DLGAP2: variants seen among roughly 807,000 people sequenced by gnomAD.
DLGAP2 encodes DLG associated protein 2, also known as disks large-associated protein 2.
In DLGAP2, 26 loss-of-function variants were observed where a neutral mutation model predicts 100.3. The observed-to-expected ratio is 0.26, with a 90% CI of 0.19 to 0.36. The LOEUF (loss-of-function observed/expected upper bound fraction) is 0.36. Ranked by LOEUF, DLGAP2 falls within the 10% of genes least tolerant of loss-of-function variation. DLGAP2 has a pLI of 1.00. For missense variants in DLGAP2, 1,858 were observed against 1,453.2 expected (o/e 1.28, Z -4.53); for synonymous variants, 886 against 630.1 (o/e 1.41, Z -6.08).
chr8:1,027,489 C>G (rs1801836607), intron 2 of DLGAP2, among the ~76,000 whole-genome samples: 1 of 147,290 alleles, frequency 6.8e-6, no homozygotes, highest in Non-Finnish European at 1.5e-5. Context: ...CCATTATTCT[C>G]CAGGTTTGGT....
At chr8:884,973 T>C (rs530767227) in intron 1 of DLGAP2, among the ~76,000 whole-genome samples, 4 of 152,316 alleles carry the variant, frequency 2.6e-5, no homozygotes, top group Non-Finnish European at 5.9e-5. Context: ...AGGTCTCTGT[T>C]CTGCTCCATT....
At position 1,295,472 on chromosome 8, in the gene DLGAP2, C is replaced by A. The variant is rs142047504; in HGVS notation, c.106+36589C>A. On this transcript the variant is annotated intron_variant, in intron 3 of 14. Transcript: ENST00000637795. ...AGGAAAGGCTGTGGGCCCCCAGCCACGTCAGCGGGAAGCACACTCTCTGTC... is the reference window on the plus strand; with the variant it reads ...AGGAAAGGCTGTGGGCCCCCAGCCAAGTCAGCGGGAAGCACACTCTCTGTC... 1.7e-4 allele frequency among the ~76,000 whole-genome samples: 26 copies of A among 152,222 alleles called. 1 individual carries two copies. Among genetic ancestry groups the A allele is most frequent in the African/African-American group, 6.0e-4 (25 of 41,548 alleles).
intron 2 of DLGAP2, among the ~76,000 whole-genome samples, chr8:1,185,709 T>TCA (rs879332226): frequency 0.012 from 1,038 of 87,196 alleles, 14 homozygotes; most frequent in East Asian, 0.05. Flanking sequence ...ACACTCACAC[T>TCA]CACACACACA....
intron 3 of DLGAP2, among the ~76,000 whole-genome samples, chr8:1,433,525 C>T (rs1219790944): frequency 2.6e-5 from 4 of 152,194 alleles, no homozygotes; most frequent in African/African-American, 7.2e-5. Context: ...TCTGGTGAGC[C>T]CACCCGAGTA....
At chr8:884,480 GT>G (rs956763880) in intron 1 of DLGAP2, among the ~76,000 whole-genome samples, 15 of 148,768 alleles carry the variant, frequency 1.0e-4, no homozygotes, top group South Asian at 4.3e-4. Flanking sequence ...ACTTTTCGAT[GT>G]TTTTTTTTTC....
At chr8:1,310,976 G>C (rs1476959999) in intron 3 of DLGAP2, among the ~76,000 whole-genome samples, 2 of 151,816 alleles carry the variant, frequency 1.3e-5, no homozygotes, top group African/African-American at 4.8e-5. Context: ...AAAAAATAGA[G>C]TATCAACAAA....
intron 1 of DLGAP2, among the ~76,000 whole-genome samples, chr8:903,910 C>T (rs1014943262): frequency 6.6e-6 from 1 of 152,218 alleles, no homozygotes; most frequent in Non-Finnish European, 1.5e-5. Context: ...TCACATTCGT[C>T]AGGGACCCTC....
intron 3 of DLGAP2, among the ~76,000 whole-genome samples, chr8:1,459,767 C>T (rs778644555): frequency 1.4e-5 from 2 of 146,134 alleles, no homozygotes; most frequent in African/African-American, 2.5e-5. Context: ...CTCACTGCAA[C>T]CTCTGCCTCC....
intron 3 of DLGAP2, among the ~76,000 whole-genome samples, chr8:1,328,542 G>C (rs1441378260): frequency 6.6e-6 from 1 of 151,942 alleles, no homozygotes; most frequent in Non-Finnish European, 1.5e-5. Flanking sequence ...GTAGAGACAG[G>C]GTTTCACCAT....
intron 2 of DLGAP2, among the ~76,000 whole-genome samples, chr8:1,188,325 TCCCTC>T (rs1797558578): frequency 7.2e-6 from 1 of 138,336 alleles, no homozygotes; most frequent in Non-Finnish European, 1.5e-5. Flanking sequence ...CCGTGACGTT[TCCCTC>T]ACGGAATCTC....
At chr8:1,144,053 C>T (rs1053342082) in intron 2 of DLGAP2, among the ~76,000 whole-genome samples, 2 of 152,218 alleles carry the variant, frequency 1.3e-5, no homozygotes, top group African/African-American at 2.4e-5. Context: ...CCCACAGCAC[C>T]GCTTGTTTCC....
intron 1 of DLGAP2, among the ~76,000 whole-genome samples, chr8:881,666 A>ATGTGTGTATATATATATAT: frequency 7.6e-6 from 1 of 131,048 alleles, no homozygotes; most frequent in African/African-American, 2.7e-5. Context: ...CTTGTGGCTG[A>ATGTGTGTATATATATATAT]ACACACACAC....
chr8:1,316,026 C>G (rs1380059606), intron 3 of DLGAP2, among the ~76,000 whole-genome samples: 4 of 138,768 alleles, frequency 2.9e-5, no homozygotes, highest in Non-Finnish European at 6.3e-5. Context: ...GTGGTCTACA[C>G]TCGAGACACT....
chr8:1,543,063 A>T (rs1396025563), intron 4 of DLGAP2, among the ~76,000 whole-genome samples: 1 of 152,206 alleles, frequency 6.6e-6, no homozygotes, highest in Non-Finnish European at 1.5e-5. Context: ...TATTTGTCTT[A>T]TTATAATGGA....
At chr8:982,419 G>A (rs1800363507) in intron 2 of DLGAP2, among the ~76,000 whole-genome samples, 1 of 152,216 alleles carries the variant, frequency 6.6e-6, no homozygotes, top group African/African-American at 2.4e-5. Context: ...GCTAAGTGGA[G>A]CTGTTTAGCA....
intron 1 of DLGAP2, chr8:883,080 T>C (rs1797843777): frequency 2.0e-5 from 3 of 152,444 alleles, no homozygotes; most frequent in Admixed American, 2.0e-4. Flanking sequence ...GATGATTTCC[T>C]GAGCAGTGCG....
chr8:972,047 A>G (rs1257128810), intron 2 of DLGAP2, among the ~76,000 whole-genome samples: 1 of 152,198 alleles, frequency 6.6e-6, no homozygotes, highest in Admixed American at 6.5e-5. Flanking sequence ...TTCAGGTCCT[A>G]TTTAAGAAGT....
chr8:1,182,241 G>T, intron 2 of DLGAP2, among the ~76,000 whole-genome samples: 1 of 152,222 alleles, frequency 6.6e-6, no homozygotes, highest in Non-Finnish European at 1.5e-5. Flanking sequence ...GGGGCTTGGG[G>T]GCGACTGCCA....
chr8:1,070,259 A>G (rs1023021292), intron 2 of DLGAP2, among the ~76,000 whole-genome samples: 1 of 151,924 alleles, frequency 6.6e-6, no homozygotes, highest in Admixed American at 6.6e-5. Context: ...ATCTTTTTTC[A>G]TGGCGTGGGT....
Sources: gnomAD v4.1 joint callset for allele counts (sites outside exome capture counted in the v4.1 genomes callset) on GRCh38, gnomAD v4.1.1 for gene constraint, MANE v1.5 for transcripts, NCBI Gene and HGNC (gene_info 2026-07-23, HGNC 2026-07-21) for gene names.